Variants in CADPS observed in about 807,000 individuals in gnomAD.
The protein encoded by CADPS is calcium-dependent secretion activator 1.
A neutral mutation model predicts 167.3 loss-of-function variants in CADPS; 57 were observed. The observed-to-expected ratio is 0.34, with a 90% CI of 0.28 to 0.42. The LOEUF is 0.42. Among genes scored for constraint, CADPS ranks in the 20% least tolerant of loss-of-function variants. The pLI is 1.00. For synonymous variants in CADPS, 676 were observed against 635.3 expected (o/e 1.06, Z -0.96); for missense variants, 1,414 against 1,738.1 (o/e 0.81, Z 3.32).
rs763796407 is a variant in CADPS at position 62,549,981 on chromosome 3, C to T, written c.1888G>A (p.Val630Met). 3.7e-6 allele frequency: 6 copies of T among 1,613,978 alleles called. No homozygotes were observed. Among genetic ancestry groups the T allele is most frequent in the South Asian group, 2.2e-5 (2 of 91,080 alleles). Residue 630 changes from valine to methionine, a missense_variant, in exon 11 of 30, where the codon GTG becomes ATG. Val to Met is a conservative substitution (Grantham distance 21). Coordinates refer to ENST00000383710, the MANE Select transcript of CADPS (RefSeq NM_003716.4). ...AGTTTCTGGACTTGGGTCGGGGGCA[C>T]AGGCTTGTGTGACTGCCCCGTGGCC... ...YRATGQSHKP[V>M]PPTQVQKLNA...
In CADPS at chr3:62,821,944, C is replaced by T. The variant is rs2094940781; in HGVS notation, c.441+52645G>A. On this transcript the variant is annotated intron_variant, in intron 1 of 29. Transcript: ENST00000383710. ...TGTGGTTCTAGGAATGAGGTCTCTG[C>T]CTCCTTGCTGGCTGTCAGCTGGCGG... 3.3e-5 allele frequency among the ~76,000 whole-genome samples: 5 copies of T among 152,132 alleles called. No homozygotes were observed. In the South Asian group the frequency reaches 8.3e-4, roughly 25 times the overall value.
intron 12 of CADPS, among the ~76,000 whole-genome samples, chr3:62,534,785 G>A (rs896669191): frequency 6.6e-6 from 1 of 152,066 alleles, no homozygotes; most frequent in Non-Finnish European, 1.5e-5. Flanking sequence ...TTTAATTTCT[G>A]TTATTTTCTG....
intron 1 of CADPS, among the ~76,000 whole-genome samples, chr3:62,825,211 C>A (rs1028370330): frequency 6.6e-6 from 1 of 152,084 alleles, no homozygotes; most frequent in Non-Finnish European, 1.5e-5. Flanking sequence ...GTGGGAGGGG[C>A]ACCTTTTCCT....
intron 7 of CADPS, among the ~76,000 whole-genome samples, chr3:62,585,981 A>C (rs2084525159): frequency 6.6e-6 from 1 of 152,214 alleles, no homozygotes; most frequent in South Asian, 2.1e-4. Flanking sequence ...TGCTTCAGAG[A>C]TGGCAGTTTG....
intron 28 of CADPS, among the ~76,000 whole-genome samples, chr3:62,405,862 G>A (rs1708292076): frequency 6.6e-6 from 1 of 152,232 alleles, no homozygotes; most frequent in African/African-American, 2.4e-5. Flanking sequence ...TGCTAACTTG[G>A]TTTTCCAGAA....
chr3:62,669,852 T>C (rs1279779627), intron 3 of CADPS, among the ~76,000 whole-genome samples: 5 of 152,242 alleles, frequency 3.3e-5, no homozygotes, highest in Non-Finnish European at 7.3e-5. Flanking sequence ...GTCCTTGGCA[T>C]TCCATAGCCT....
intron 8 of CADPS, 145 bp from the exon 9 acceptor site, chr3:62,571,083 G>C: frequency 1.5e-6 from 1 of 655,212 alleles, no homozygotes; most frequent in Non-Finnish European, 2.8e-6. Context: ...CTCTGTGGTT[G>C]AGCATAAACA....
At chr3:62,519,100 A>G (rs2069756548) in intron 13 of CADPS, among the ~76,000 whole-genome samples, 1 of 152,204 alleles carries the variant, frequency 6.6e-6, no homozygotes, top group Admixed American at 6.6e-5. Flanking sequence ...TTTATAGCCC[A>G]AATTTATCTG....
intron 1 of CADPS, among the ~76,000 whole-genome samples, chr3:62,819,520 C>G (rs564728423): frequency 6.6e-6 from 1 of 151,932 alleles, no homozygotes; most frequent in South Asian, 2.1e-4. Flanking sequence ...CATGGCCCCC[C>G]CTTCATCCGC....
intron 3 of CADPS, among the ~76,000 whole-genome samples, chr3:62,684,390 G>A (rs1327513188): frequency 6.6e-6 from 1 of 151,936 alleles, no homozygotes; most frequent in Non-Finnish European, 1.5e-5. Flanking sequence ...GATGATCCAG[G>A]CTCAGCTTGT....
chr3:62,830,233 C>T (rs559873663), intron 1 of CADPS, among the ~76,000 whole-genome samples: 1 of 152,260 alleles, frequency 6.6e-6, no homozygotes, highest in South Asian at 2.1e-4. Context: ...AACTAGTGCT[C>T]ATCTTTGAAA....
chr3:62,448,536 G>GA (rs1164528045), intron 26 of CADPS, among the ~76,000 whole-genome samples: 3 of 151,738 alleles, frequency 2.0e-5, no homozygotes, highest in East Asian at 1.9e-4. Context: ...ATAATAACAG[G>GA]AAAAAATAAC....
At chr3:62,510,893 G>A (rs1021710335) in intron 17 of CADPS, among the ~76,000 whole-genome samples, 2 of 152,118 alleles carry the variant, frequency 1.3e-5, no homozygotes, top group Non-Finnish European at 2.9e-5. Context: ...TTATGATTAA[G>A]ATTGCAATTG....
rs2077949288 is a variant in CADPS, at chr3:62,731,843, GAAA to G, written c.888+21595_888+21597del. On this transcript the variant is annotated intron_variant, in intron 3 of 29. Coordinates refer to ENST00000383710, the MANE Select transcript of CADPS (RefSeq NM_003716.4). The stretch of plus-strand genomic sequence containing the variant: ...AAAAAAAAAAAAAGTAAAGAAGGAA[GAAA>G]GGAAAGAAAGGAAAGAAAGGGTAAT... Among the ~76,000 whole-genome samples, 471 of 104,250 alleles carry G rather than the reference GAAA, an allele frequency of 4.5e-3. 3 individuals are homozygous for G. Among genetic ancestry groups the G allele is most frequent in the African/African-American group, 0.017 (440 of 25,886 alleles). The allele number at this position is 104,250 out of a possible 152,430, so 68.4% of individuals were successfully genotyped here.
chr3:62,702,865 C>T (rs556795681), intron 3 of CADPS, among the ~76,000 whole-genome samples: 1 of 152,092 alleles, frequency 6.6e-6, no homozygotes. Context: ...AAGCACTTTA[C>T]ATGAATTACT....
At chr3:62,755,179 C>T (rs1248170205) in intron 2 of CADPS, among the ~76,000 whole-genome samples, 3 of 152,138 alleles carry the variant, frequency 2.0e-5, no homozygotes, top group Non-Finnish European at 2.9e-5. Context: ...TTACTTCACC[C>T]GGGTTCCTTC....
At chr3:62,680,430 C>A (rs934794258) in intron 3 of CADPS, among the ~76,000 whole-genome samples, 1 of 152,060 alleles carries the variant, frequency 6.6e-6, no homozygotes, top group African/African-American at 2.4e-5. Context: ...CTCTTCCAGG[C>A]ATTTAGGCCT....
At chr3:62,703,744 G>A (rs142701027) in intron 3 of CADPS, among the ~76,000 whole-genome samples, 1 of 152,224 alleles carries the variant, frequency 6.6e-6, no homozygotes, top group Non-Finnish European at 1.5e-5. Context: ...ATGAAAAGAA[G>A]GCAAATCATG....
At chr3:62,858,523 G>A (rs1266638948) in intron 1 of CADPS, among the ~76,000 whole-genome samples, 2 of 152,094 alleles carry the variant, frequency 1.3e-5, no homozygotes, top group African/African-American at 2.4e-5. Context: ...CTAAAGCTGG[G>A]AATGGGGTAT....
Sources: gnomAD v4.1 joint callset for allele counts (sites outside exome capture counted in the v4.1 genomes callset) on GRCh38, gnomAD v4.1.1 for gene constraint, MANE v1.5 for transcripts, NCBI Gene and HGNC (gene_info 2026-07-23, HGNC 2026-07-21) for gene names.